FBN2: variants seen among roughly 807,000 people sequenced by gnomAD.
FBN2 encodes fibrillin-2.
In FBN2, 105 loss-of-function variants were observed where a neutral mutation model predicts 355.6. The observed-to-expected ratio is 0.30, with a 90% confidence interval of 0.25 to 0.35. The LOEUF (loss-of-function observed/expected upper bound fraction) is 0.35. FBN2 is among the 10% of genes least tolerant of loss of function. FBN2 has a pLI of 1.00. For missense variants in FBN2, 3,280 were observed against 3,758.7 expected, an observed-to-expected ratio of 0.87 and a Z score of 3.33; for synonymous variants, 1,350 against 1,301.2, an observed-to-expected ratio of 1.04 and a Z score of -0.81.
At chr5:128,309,510 C>T (rs1162490128) in intron 40 of FBN2, 111 bp from the exon 41 acceptor site, 9 of 862,254 alleles carry the variant, frequency 1.0e-5, no homozygotes, top group East Asian at 2.5e-5. Flanking sequence ...CTCGGAAACC[C>T]TTTTTAGTCA....
rs541893659 is a variant in FBN2, at chr5:128,381,447, G to A, written c.1604-2557C>T. Among the ~76,000 whole-genome samples the A allele has an allele frequency of 9.2e-5, 14 of 152,082 alleles. No homozygotes were observed. The South Asian group carries it at 1.0e-3, about 11-fold the overall frequency. On this transcript the variant is annotated intron_variant, in intron 11 of 64. Transcript: ENST00000262464. ...GTTTGTTATTCCTCAAAACATTAGC[G>A]CAGCTGACATAGTTACTAGTGTTAT...
chr5:128,337,600 T>G (rs966571742), intron 27 of FBN2, among the ~76,000 whole-genome samples: 3 of 152,378 alleles, frequency 2.0e-5, no homozygotes, highest in Non-Finnish European at 2.9e-5. Flanking sequence ...TTCACACATG[T>G]GCAAGCCGAT....
chr5:128,399,380 A>G (rs1289386396), intron 8 of FBN2, among the ~76,000 whole-genome samples: 1 of 152,224 alleles, frequency 6.6e-6, no homozygotes, highest in Non-Finnish European at 1.5e-5. Flanking sequence ...CTCTGATAAA[A>G]TAACTGTCAA....
At chr5:128,484,975 ATTCAAT>A (rs908767695) in intron 5 of FBN2, among the ~76,000 whole-genome samples, 4 of 152,168 alleles carry the variant, frequency 2.6e-5, no homozygotes, top group African/African-American at 7.2e-5. Flanking sequence ...AACCTGGCAC[ATTCAAT>A]TCTAGATGTT....
At chr5:128,511,321 C>A (rs987179838) in intron 5 of FBN2, among the ~76,000 whole-genome samples, 2 of 152,134 alleles carry the variant, frequency 1.3e-5, no homozygotes, top group Non-Finnish European at 2.9e-5. Flanking sequence ...GTATAGAGGG[C>A]AGCCTCTTGA....
intron 58 of FBN2, among the ~76,000 whole-genome samples, chr5:128,277,151 A>G (rs891045912): frequency 1.1e-4 from 16 of 152,214 alleles, no homozygotes; most frequent in African/African-American, 3.6e-4. Context: ...TGACATAGGT[A>G]ATTTGATAGA....
At chr5:128,430,354 C>T (rs1753587592) in intron 7 of FBN2, among the ~76,000 whole-genome samples, 1 of 151,632 alleles carries the variant, frequency 6.6e-6, no homozygotes, top group Admixed American at 6.6e-5. Flanking sequence ...ATTTATTGTT[C>T]TATTTAAAAT....
chr5:128,303,647 A>G (rs1160558259), intron 45 of FBN2, among the ~76,000 whole-genome samples: 3 of 152,194 alleles, frequency 2.0e-5, no homozygotes, highest in Non-Finnish European at 4.4e-5. Context: ...AGACTCCCCA[A>G]CTATGAATTC....
intron 5 of FBN2, among the ~76,000 whole-genome samples, chr5:128,473,009 C>T (rs572783791): frequency 1.3e-5 from 2 of 152,198 alleles, no homozygotes; most frequent in Non-Finnish European, 2.9e-5. Context: ...GCGACATTGA[C>T]CACGCCCCTC....
intron 7 of FBN2, among the ~76,000 whole-genome samples, chr5:128,426,683 A>G (rs775866045): frequency 7.2e-5 from 11 of 152,202 alleles, no homozygotes; most frequent in Non-Finnish European, 1.2e-4. Context: ...AGCATCCCCC[A>G]GGCTCAGAAG....
intron 60 of FBN2, 103 bp downstream of exon 60, chr5:128,274,464 C>A: frequency 1.3e-6 from 1 of 758,578 alleles, no homozygotes; most frequent in Non-Finnish European, 2.4e-6. Flanking sequence ...GTATTGGTTA[C>A]TGAACATAAA....
intron 12 of FBN2, 43 bp from the exon 13 acceptor site, chr5:128,377,920 C>A (rs777865655): frequency 4.5e-6 from 7 of 1,555,650 alleles, no homozygotes; most frequent in African/African-American, 1.4e-5. Flanking sequence ...TTTTACAATA[C>A]TTATAGATAA....
intron 3 of FBN2, among the ~76,000 whole-genome samples, chr5:128,529,081 A>C (rs1756642200): frequency 1.3e-5 from 2 of 152,232 alleles, no homozygotes; most frequent in Admixed American, 1.3e-4. Context: ...CAATAAATTC[A>C]GTTTCCTTTT....
intron 5 of FBN2, among the ~76,000 whole-genome samples, chr5:128,496,724 T>C (rs1361384352): frequency 6.6e-6 from 1 of 152,030 alleles, no homozygotes; most frequent in African/African-American, 2.4e-5. Context: ...TCTCTATTTG[T>C]AGATGGCAAC....
intron 5 of FBN2, among the ~76,000 whole-genome samples, chr5:128,484,833 C>T (rs1462632467): frequency 2.0e-5 from 3 of 152,158 alleles, no homozygotes; most frequent in Non-Finnish European, 2.9e-5. Flanking sequence ...AGTCCAGGCT[C>T]TTGTGCACTC....
At position 128,519,372 on chromosome 5, in the gene FBN2, C is replaced by A. The variant is rs372596001; in HGVS notation, c.533-4G>T. On this transcript the variant is annotated splice_polypyrimidine_tract_variant and splice_region_variant and intron_variant, in intron 4 of 64. Transcript: ENST00000262464. ...TGACATCCATTTTCACAGACAGCTGCATACAAAAATAGCAAGAAGCTCATT... is the reference window on the plus strand; with the variant it reads ...TGACATCCATTTTCACAGACAGCTGAATACAAAAATAGCAAGAAGCTCATT... 24 of 1,612,626 alleles carry A rather than the reference C, an allele frequency of 1.5e-5. No individual in the cohort carries two copies. The highest frequency in any genetic ancestry group is 9.3e-6 in the Non-Finnish European group (11 of 1,178,958).
intron 31 of FBN2, among the ~76,000 whole-genome samples, chr5:128,333,953 G>A (rs1750763970): frequency 6.6e-6 from 1 of 151,654 alleles, no homozygotes; most frequent in African/African-American, 2.4e-5. Flanking sequence ...CTTACTGGAG[G>A]GGTCAGCTTA....
chr5:128,500,180 C>T (rs1336800100), intron 5 of FBN2, among the ~76,000 whole-genome samples: 3 of 151,852 alleles, frequency 2.0e-5, no homozygotes, highest in Non-Finnish European at 4.4e-5. Flanking sequence ...CTGGAAAATA[C>T]AGTAGAGTAA....
In FBN2 at chr5:128,276,177, T is replaced by C. The variant is rs773888786; in HGVS notation, c.7472-17A>G. On this transcript the variant is annotated splice_polypyrimidine_tract_variant and intron_variant, in intron 58 of 64. Coordinates refer to ENST00000262464, the MANE Select transcript of FBN2 (RefSeq NM_001999.4). ...CATCAAGGTCTAAGTAAAAGTGATG[T>C]GAAGATTAAATTACTGGTTAAAAGA... 1.4e-5 allele frequency: 22 copies of C among 1,612,614 alleles called. No homozygotes were observed. In the Admixed American group the frequency reaches 3.7e-4, roughly 27 times the overall value.
Sources: gnomAD v4.1 joint callset for allele counts (sites outside exome capture counted in the v4.1 genomes callset) on GRCh38, gnomAD v4.1.1 for gene constraint, MANE v1.5 for transcripts, NCBI Gene and HGNC (gene_info 2026-07-23, HGNC 2026-07-21) for gene names.